Variants in AP3S2 observed in about 807,000 individuals in gnomAD.
AP3S2 encodes AP-3 complex subunit sigma-2.
AP3S2 carries 22 observed loss-of-function variants against 23.4 expected under a neutral mutation model. The ratio of observed to expected loss-of-function variants is 0.94; its 90% confidence interval spans 0.67 to 1.34. AP3S2 has a LOEUF of 1.34. Ranked by LOEUF, AP3S2 falls within the 40% of genes most tolerant of loss-of-function variation. AP3S2 has a pLI of 0.00. For missense variants in AP3S2, 241 were observed against 236.9 expected, an observed-to-expected ratio of 1.02 and a Z score of -0.11; for synonymous variants, 86 against 87.1, an observed-to-expected ratio of 0.99 and a Z score of 0.07.
At position 89,835,325 on chromosome 15, in the gene AP3S2, G is replaced by C; in HGVS notation, c.*190C>G. 1 of 944,424 alleles carries C rather than the reference G, an allele frequency of 1.1e-6. No individual in the cohort carries two copies. Among genetic ancestry groups the C allele is most frequent in the Non-Finnish European group, 1.5e-6 (1 of 648,944 alleles). 58.5% of individuals were successfully genotyped at this position (944,424 alleles called of 1,614,324 possible). On this transcript the variant is annotated 3_prime_UTR_variant, in exon 6 of 6. Coordinates refer to ENST00000336418, the MANE Select transcript of AP3S2 (RefSeq NM_005829.5). ...CGGCATGACTGCACATGTGAGAACT[G>C]GGTGCACCCGAGCAGTGTCAATAGG...
Position 89,836,020 on chromosome 15 carries a change from T to A in AP3S2, c.454-377A>T, listed in dbSNP as rs552721414. On this transcript the variant is annotated intron_variant, in intron 5 of 5. Transcript: ENST00000336418. ...TCCAACCTGGGCAACAGAGTGAGAC[T>A]CTGTCTCAAACAAACAAACAAACAA... Among the ~76,000 whole-genome samples the A allele has an allele frequency of 2.1e-5, 3 of 141,056 alleles. No homozygotes were observed. In the South Asian group the frequency reaches 6.5e-4, roughly 30 times the overall value. 92.5% of individuals were successfully genotyped at this position (141,056 alleles called of 152,430 possible). A position where few individuals can be genotyped will look rare whatever the true frequency, so the allele number is the denominator to read the frequency against.
chr15:89,851,370 G>C (rs1380242273), intron 4 of AP3S2, among the ~76,000 whole-genome samples: 1 of 150,062 alleles, frequency 6.7e-6, no homozygotes, highest in Non-Finnish European at 1.5e-5. Flanking sequence ...ACAGAGTCTT[G>C]CTCTGTCCCC....
intron 4 of AP3S2, among the ~76,000 whole-genome samples, chr15:89,863,533 A>T (rs1262277495): frequency 2.0e-5 from 3 of 152,220 alleles, no homozygotes; most frequent in African/African-American, 7.2e-5. Flanking sequence ...TTAACACAGG[A>T]AGAAAAGGAG....
chr15:89,851,132 C>G (rs184246219), intron 4 of AP3S2, among the ~76,000 whole-genome samples: 6 of 152,254 alleles, frequency 3.9e-5, no homozygotes, highest in Admixed American at 2.0e-4. Context: ...AGCTTAGAAT[C>G]AAGTAAGAAA....
At chr15:89,884,068 T>C (rs1896636478) in intron 3 of AP3S2, 1 of 154,142 alleles carries the variant, frequency 6.5e-6, no homozygotes, top group South Asian at 2.0e-4. Flanking sequence ...TGTATACTCA[T>C]AGTGTGCCTC....
chr15:89,889,437 C>G lies in AP3S2; in HGVS notation c.70-297G>C, dbSNP rs1896768878. 2.7e-5 allele frequency: 8 copies of G among 293,902 alleles called. 1 individual carries two copies. The highest frequency in any genetic ancestry group is 1.3e-4 in the South Asian group (3 of 22,632). 18.2% of individuals were successfully genotyped at this position (293,902 alleles called of 1,614,324 possible). A position where few individuals can be genotyped will look rare whatever the true frequency, so the allele number is the denominator to read the frequency against. ...ACAAGAAAAGGAACATTGATAAACT[C>G]TCATACAAAGTCAGAGAATAACTGG... On this transcript the variant is annotated intron_variant, in intron 1 of 5. Transcript: ENST00000336418.
chr15:89,893,015 A>G (rs1896854795), intron 1 of AP3S2: 1 of 152,246 alleles, frequency 6.6e-6, no homozygotes, highest in African/African-American at 2.4e-5. Context: ...AATGTAATCT[A>G]GCTTTAAAAA....
At chr15:89,878,652 C>G (rs1896498130) in intron 3 of AP3S2, among the ~76,000 whole-genome samples, 1 of 152,078 alleles carries the variant, frequency 6.6e-6, no homozygotes, top group African/African-American at 2.4e-5. Flanking sequence ...CCCTGATCTC[C>G]TGGGCTCAAG....
chr15:89,893,495 A>G (rs1896866562), intron 1 of AP3S2: 1 of 394,676 alleles, frequency 2.5e-6, no homozygotes, highest in Non-Finnish European at 4.5e-6. Flanking sequence ...AAACTTTCAG[A>G]AACTTAATAT....
intron 3 of AP3S2, among the ~76,000 whole-genome samples, chr15:89,881,878 T>G (rs1212215581): frequency 4.6e-5 from 7 of 151,676 alleles, no homozygotes; most frequent in Non-Finnish European, 1.0e-4. Context: ...TGGAGCGCAA[T>G]GGCACGATCT....
chr15:89,840,488 T>G (rs1895301466), intron 4 of AP3S2, among the ~76,000 whole-genome samples: 1 of 152,172 alleles, frequency 6.6e-6, no homozygotes, highest in Admixed American at 6.5e-5. Context: ...AGTACAGTGG[T>G]GTGAACTTGG....
At chr15:89,844,009 A>G (rs1895400345) in intron 4 of AP3S2, among the ~76,000 whole-genome samples, 2 of 152,208 alleles carry the variant, frequency 1.3e-5, no homozygotes, top group African/African-American at 4.8e-5. Flanking sequence ...GAGGTAGAAT[A>G]CGAACACTGA....
intron 3 of AP3S2, among the ~76,000 whole-genome samples, chr15:89,873,020 T>C (rs1404476139): frequency 1.3e-5 from 2 of 152,198 alleles, no homozygotes; most frequent in Non-Finnish European, 2.9e-5. Flanking sequence ...AAAAACCACA[T>C]ACAATAATTT....
chr15:89,846,045 A>C (rs188008461), intron 4 of AP3S2, among the ~76,000 whole-genome samples: 5 of 152,254 alleles, frequency 3.3e-5, no homozygotes, highest in African/African-American at 1.2e-4. Context: ...ATAAACCAAC[A>C]GGATATCTTG....
chr15:89,886,591 C>T (rs1159706315), intron 3 of AP3S2: 1 of 152,168 alleles, frequency 6.6e-6, no homozygotes, highest in Admixed American at 6.5e-5. Flanking sequence ...GAGGCAAGCA[C>T]TCCATCCCAA....
At chr15:89,890,532 A>C (rs991978799) in intron 1 of AP3S2, among the ~76,000 whole-genome samples, 4 of 152,232 alleles carry the variant, frequency 2.6e-5, no homozygotes, top group African/African-American at 9.6e-5. Context: ...TTGCTTCTCA[A>C]ATCTTCATTT....
At chr15:89,843,692 T>A (rs886779007) in intron 4 of AP3S2, among the ~76,000 whole-genome samples, 3 of 151,958 alleles carry the variant, frequency 2.0e-5, no homozygotes, top group African/African-American at 7.2e-5. Context: ...CCTGTAATTC[T>A]AGCTACTTGG....
chr15:89,868,682 G>A (rs1305372939), intron 4 of AP3S2, among the ~76,000 whole-genome samples: 8 of 108,038 alleles, frequency 7.4e-5, no homozygotes, highest in African/African-American at 1.8e-4. Flanking sequence ...CGCCCGGTCC[G>A]GGAGGGAGGT....
Position 89,845,159 on chromosome 15 carries a change from G to T in AP3S2, c.346-7437C>A, listed in dbSNP as rs761996087. 2.0e-5 allele frequency among the ~76,000 whole-genome samples: 3 copies of T among 151,936 alleles called. No homozygotes were observed. The East Asian group carries it at 5.8e-4, about 29-fold the overall frequency. Reference sequence around the variant, plus strand: ...TGAGCTCAGGCAATCTGCCTACCCCGGCCTCCCAAAGTCCTAGGATTACAG... The same window carrying T: ...TGAGCTCAGGCAATCTGCCTACCCCTGCCTCCCAAAGTCCTAGGATTACAG... On this transcript the variant is annotated intron_variant, in intron 4 of 5. Coordinates refer to ENST00000336418, the MANE Select transcript of AP3S2 (RefSeq NM_005829.5).
Sources: gnomAD v4.1 joint callset for allele counts (sites outside exome capture counted in the v4.1 genomes callset) on GRCh38, gnomAD v4.1.1 for gene constraint, MANE v1.5 for transcripts, NCBI Gene and HGNC (gene_info 2026-07-23, HGNC 2026-07-21) for gene names.